EFCAB5: variants seen among roughly 807,000 people sequenced by gnomAD.
EFCAB5 encodes the protein EF-hand calcium-binding domain-containing protein 5.
Under a neutral mutation model 167.9 loss-of-function variants are expected in EFCAB5, and 131 were observed. The ratio of observed to expected loss-of-function variants is 0.78; its 90% confidence interval spans 0.68 to 0.90. The LOEUF (loss-of-function observed/expected upper bound fraction) is 0.90. EFCAB5 is among the 40% of genes least tolerant of loss of function. EFCAB5 has a pLI of 0.00. For missense variants in EFCAB5, 1,663 were observed against 1,745.2 expected, an observed-to-expected ratio of 0.95 and a Z score of 0.84; for synonymous variants, 574 against 602.8, an observed-to-expected ratio of 0.95 and a Z score of 0.70.
chr17:29,997,249 A>C (rs1444320744), intron 6 of EFCAB5, among the ~76,000 whole-genome samples: 2 of 151,926 alleles, frequency 1.3e-5, no homozygotes, highest in Non-Finnish European at 2.9e-5. Flanking sequence ...CTTCTAAAAA[A>C]AAAAAAAAAG....
At chr17:30,095,021 C>T (rs1217611054) in intron 22 of EFCAB5, among the ~76,000 whole-genome samples, 2 of 152,162 alleles carry the variant, frequency 1.3e-5, no homozygotes, top group African/African-American at 4.8e-5. Flanking sequence ...GACCTATTCT[C>T]CCCACTCCAC....
chr17:30,017,647 C>T (rs1455875887), intron 7 of EFCAB5, among the ~76,000 whole-genome samples: 1 of 152,104 alleles, frequency 6.6e-6, no homozygotes, highest in Non-Finnish European at 1.5e-5. Context: ...ATCTGTATAT[C>T]TCTATAGCAA....
At chr17:30,051,461 C>G (rs2070095443) in intron 9 of EFCAB5, among the ~76,000 whole-genome samples, 2 of 152,132 alleles carry the variant, frequency 1.3e-5, no homozygotes, top group African/African-American at 2.4e-5. Flanking sequence ...TATATCAGAA[C>G]TCAGCTAGAA....
At chr17:30,084,162 T>C (rs1396526622) in intron 18 of EFCAB5, among the ~76,000 whole-genome samples, 2 of 152,124 alleles carry the variant, frequency 1.3e-5, no homozygotes, top group Non-Finnish European at 2.9e-5. Context: ...ACCAGGTCCC[T>C]ACTTCCCTCC....
At chr17:30,073,228 C>A (rs754878989) in intron 14 of EFCAB5, 25 of 669,534 alleles carry the variant, frequency 3.7e-5, no homozygotes, top group Non-Finnish European at 6.2e-5. Context: ...GCTAATTTTT[C>A]TAATTTTTGG....
In EFCAB5 at chr17:30,073,327, G is replaced by A. The variant is rs573875023; in HGVS notation, c.2738-4888G>A. 7.4e-6 allele frequency: 4 copies of A among 540,930 alleles called. No homozygotes were observed. The South Asian group carries it at 7.9e-5, about 11-fold the overall frequency. 33.5% of individuals were successfully genotyped at this position (540,930 alleles called of 1,614,324 possible). On this transcript the variant is annotated intron_variant, in intron 14 of 22. Transcript: ENST00000394835. The stretch of plus-strand genomic sequence containing the variant: ...TCACCTCAGTCTCCCGAAGTGCTGG[G>A]ATTACAGGCATGAGCCACCATGCCC...
At position 29,930,151 on chromosome 17, in the gene EFCAB5, GCACC is replaced by G. The variant is rs1040306613; in HGVS notation, c.-127+827_-127+830del. ...GGCCGCGGGAACGGCCGCAGACTCC[GCACC>G]CACCACCAGACTGTCGCCGACTGAC... On this transcript the variant is annotated intron_variant, in intron 1 of 3. Transcript: ENST00000448319. 8.5e-6 allele frequency: 6 copies of G among 705,592 alleles called. No individual in the cohort carries two copies. The African/African-American group carries it at 1.1e-4, about 13-fold the overall frequency. The allele number at this position is 705,592 out of a possible 1,614,324, so 43.7% of individuals were successfully genotyped here. A position where few individuals can be genotyped will look rare whatever the true frequency, so the allele number is the denominator to read the frequency against.
At chr17:30,091,844 AT>A in intron 20 of EFCAB5, 26 bp from the exon 21 acceptor site, 3 of 1,609,416 alleles carry the variant, frequency 1.9e-6, no homozygotes, top group Middle Eastern at 1.7e-4. Flanking sequence ...CTGAACAGCA[AT>A]GTGAGCTATC....
chr17:29,993,395 A>T, intron 5 of EFCAB5, 74 bp downstream of exon 5: 1 of 1,444,106 alleles, frequency 6.9e-7, no homozygotes, highest in Non-Finnish European at 9.3e-7. Flanking sequence ...AATACTGAGT[A>T]GCATACTAGA....
rs148998074 is a variant in EFCAB5, at chr17:30,029,786, A to G, written c.1045-4444A>G. Among the ~76,000 whole-genome samples, 1,250 of 152,228 alleles carry G rather than the reference A, an allele frequency of 8.2e-3. 11 individuals are homozygous for G. Among genetic ancestry groups the G allele is most frequent in the African/African-American group, 0.025 (1,043 of 41,550 alleles). On this transcript the variant is annotated intron_variant, in intron 7 of 22. Coordinates refer to ENST00000394835, the MANE Select transcript of EFCAB5 (RefSeq NM_198529.4). The stretch of plus-strand genomic sequence containing the variant: ...AGTTTCCAAACATAGTTTTCTTTCT[A>G]TTGCTCTTATATCACCCACTTCATC...
Position 29,968,809 on chromosome 17 carries a change from A to G in EFCAB5, c.209A>G (p.Gln70Arg). ...IKSQELNLEG[Q>R]RKISPGSIKD... is the part of the protein sequence containing the mutation. ...CCCTCAGAATTAAACCTGGAGGGGC[A>G]GCGAAAAATTTCACCTGGTTCAATA... The change falls in exon 4 of 23, where the codon CAG (glutamine) becomes CGG (arginine). Residue 70 changes from glutamine to arginine, a missense_variant. Coordinates refer to ENST00000394835, the MANE Select transcript of EFCAB5 (RefSeq NM_198529.4). 1.3e-6 allele frequency: 2 copies of G among 1,498,986 alleles called. No homozygotes were observed. Among genetic ancestry groups the G allele is most frequent in the Non-Finnish European group, 1.8e-6 (2 of 1,123,964 alleles). 92.9% of individuals were successfully genotyped at this position (1,498,986 alleles called of 1,614,324 possible).
chr17:29,952,926 T>A (rs2067541409), intron 3 of EFCAB5, among the ~76,000 whole-genome samples: 1 of 152,190 alleles, frequency 6.6e-6, no homozygotes, highest in African/African-American at 2.4e-5. Context: ...ATAAAAATTC[T>A]TATCTCTTGC....
At chr17:30,014,126 T>C (rs575063565) in intron 7 of EFCAB5, among the ~76,000 whole-genome samples, 2 of 152,348 alleles carry the variant, frequency 1.3e-5, no homozygotes, top group South Asian at 4.1e-4. Flanking sequence ...AGTGAGTTTC[T>C]TAATCCTGAG....
At position 30,073,334 on chromosome 17, in the gene EFCAB5, GGCATGAGCC is replaced by G. The variant is rs1258793412; in HGVS notation, c.2738-4880_2738-4872del. 139 of 545,416 alleles carry G rather than the reference GGCATGAGCC, an allele frequency of 2.5e-4. 2 individuals carry two copies. The East Asian group carries it at 4.1e-3, about 16-fold the overall frequency. The allele number at this position is 545,416 out of a possible 1,614,324, so 33.8% of individuals were successfully genotyped here. ...AGTCTCCCGAAGTGCTGGGATTACA[GGCATGAGCC>G]ACCATGCCCGACCCCAGCATTTCAG... On this transcript the variant is annotated intron_variant, in intron 14 of 22. Coordinates refer to ENST00000394835, the MANE Select transcript of EFCAB5 (RefSeq NM_198529.4).
chr17:30,068,951 C>G, intron 14 of EFCAB5: 1 of 1,531,836 alleles, frequency 6.5e-7, no homozygotes. Flanking sequence ...AGGACCTGTT[C>G]AGAAGCAATT....
intron 8 of EFCAB5, among the ~76,000 whole-genome samples, chr17:30,037,183 G>A (rs1396871652): frequency 6.6e-6 from 1 of 152,172 alleles, no homozygotes; most frequent in East Asian, 1.9e-4. Flanking sequence ...AAGGTAGGGT[G>A]TAGGTAGATG....
intron 7 of EFCAB5, among the ~76,000 whole-genome samples, chr17:30,020,134 T>A (rs1180193456): frequency 6.6e-6 from 1 of 152,118 alleles, no homozygotes; most frequent in Non-Finnish European, 1.5e-5. Flanking sequence ...CCAAATTATA[T>A]TCCATTGTGT....
At chr17:30,068,803 C>T in intron 14 of EFCAB5, 1 of 1,360,450 alleles carries the variant, frequency 7.4e-7, no homozygotes, top group Non-Finnish European at 1.1e-6. Context: ...AATGATTTCT[C>T]ACAGTGGCAA....
chr17:29,968,248 TGAA>T (rs1334843507), intron 3 of EFCAB5: 3 of 420,676 alleles, frequency 7.1e-6, no homozygotes, highest in Middle Eastern at 5.8e-4. Flanking sequence ...TCAGAGAATT[TGAA>T]CCAAACCCTG....
Sources: gnomAD v4.1 joint callset for allele counts (sites outside exome capture counted in the v4.1 genomes callset) on GRCh38, gnomAD v4.1.1 for gene constraint, MANE v1.5 for transcripts, NCBI Gene and HGNC (gene_info 2026-07-23, HGNC 2026-07-21) for gene names.